Variants in SEC31B observed in about 807,000 individuals in gnomAD.
The protein encoded by SEC31B is SEC31 homolog B, COPII component, also known as protein transport protein Sec31B.
Under a neutral mutation model 135.0 loss-of-function variants are expected in SEC31B, and 113 were observed. The observed-to-expected ratio is 0.84, with a 90% confidence interval of 0.72 to 0.98. SEC31B has a LOEUF of 0.98. Ranked by LOEUF, SEC31B falls within the 50% of genes least tolerant of loss-of-function variation. The probability of loss-of-function intolerance (pLI) is 0.00; values close to 1 mark genes in which losing one functional copy is unlikely to be tolerated. For synonymous variants in SEC31B, 508 were observed against 549.4 expected (o/e 0.92, Z 1.05); for missense variants, 1,296 against 1,421.1 (o/e 0.91, Z 1.42).
chr10:100,516,580 C>T (rs535357789), intron 2 of SEC31B, among the ~76,000 whole-genome samples: 30 of 136,794 alleles, frequency 2.2e-4, no homozygotes, highest in Admixed American at 1.6e-3. Context: ...ACCCAGGAGG[C>T]GGAGCTTGCA....
chr10:100,489,280 G>C lies in SEC31B; in HGVS notation c.3143C>G (p.Pro1048Arg), dbSNP rs201352890. Residue 1048 changes from proline (P) to arginine (R), a missense_variant, in exon 23 of 26, where the codon CCA (proline) becomes CGA (arginine). By Grantham distance (103) the Pro-to-Arg change is moderately radical (BLOSUM62 -2). Transcript: ENST00000370345. ...CAGGCTGAGTTCTCCTGGAACTCCT[G>C]GGGGAGCATGACTCACACTGGAGAC... Reference protein sequence around the residue: ...PPVSSVSHAPPGVPGELSLQL... With the variant: ...PPVSSVSHAPRGVPGELSLQL... 1.1e-4 allele frequency: 173 copies of C among 1,611,294 alleles called. 1 individual carries two copies. The highest frequency in any genetic ancestry group is 2.4e-4 in the African/African-American group (18 of 74,910).
Position 100,505,488 on chromosome 10 carries a change from G to C in SEC31B, c.1052C>G (p.Ser351Cys), listed in dbSNP as rs1396965786. The C allele has an allele frequency of 6.5e-7, 1 of 1,542,516 alleles. No homozygotes were observed. Among genetic ancestry groups the C allele is most frequent in the South Asian group, 1.3e-5 (1 of 78,352 alleles). Residue 351 changes from serine to cysteine, a missense_variant, in exon 10 of 26, where the codon TCT (serine) becomes TGT (cysteine). Coordinates refer to ENST00000370345, the MANE Select transcript of SEC31B (RefSeq NM_015490.4). ...QHMRQADKIS[S>C]SFSKGQPLPP... ...GAGAGGCTGGCCTTTGCTGAAGGAA[G>C]AGGAGATCTGGGGGGAAAAGACACC...
intron 9 of SEC31B, 121 bp from the exon 10 acceptor site, chr10:100,505,616 C>T: frequency 6.9e-7 from 1 of 1,457,032 alleles, no homozygotes; most frequent in Non-Finnish European, 9.0e-7. Flanking sequence ...AAAGGTCAGA[C>T]TCCCATATTC....
In SEC31B at chr10:100,505,299, AACACACACAC is replaced by A. The variant is rs58897924; in HGVS notation, c.1179+52_1179+61del. 60 of 1,488,328 alleles carry A rather than the reference AACACACACAC, an allele frequency of 4.0e-5. No individual in the cohort carries two copies. The African/African-American group carries it at 5.5e-4, about 14-fold the overall frequency. The allele number at this position is 1,488,328 out of a possible 1,614,324, so 92.2% of individuals were successfully genotyped here. A position where few individuals can be genotyped will look rare whatever the true frequency, so the allele number is the denominator to read the frequency against. ...TGCTGGGCACATGGTAGGCTTCACA[AACACACACAC>A]ACACACACACACACACAAACACACA... On this transcript the variant is annotated intron_variant, in intron 10 of 25. Coordinates refer to ENST00000370345, the MANE Select transcript of SEC31B (RefSeq NM_015490.4).
chr10:100,512,389 CTTTT>C (rs1851752552), intron 3 of SEC31B, among the ~76,000 whole-genome samples: 1 of 152,164 alleles, frequency 6.6e-6, no homozygotes, highest in South Asian at 2.1e-4. Context: ...AGAAACCTTT[CTTTT>C]TGAGTGAAAT....
At chr10:100,509,661 T>G (rs1851703528) in intron 3 of SEC31B, 150 bp from the exon 4 acceptor site, 1 of 622,134 alleles carries the variant, frequency 1.6e-6, no homozygotes, top group Non-Finnish European at 2.7e-6. Context: ...ACAGAAGGGA[T>G]GTATCCTCCG....
In SEC31B at chr10:100,516,199, C is replaced by G. The variant is rs764643943; in HGVS notation, c.100G>C (p.Asp34His). ...LATGTSAQQL[D>H]SSFSTNGTLE... The stretch of plus-strand genomic sequence containing the variant: ...GTGCCATTTGTGCTGAAGGAGGAAT[C>G]TAGCTGTTGGGCAGATGTTCCTAGG... Residue 34 changes from aspartate (D) to histidine (H), a missense_variant, in exon 3 of 26, where the codon GAT becomes CAT. Coordinates refer to ENST00000370345, the MANE Select transcript of SEC31B (RefSeq NM_015490.4). 2.5e-5 allele frequency: 40 copies of G among 1,613,742 alleles called. No homozygotes were observed. In the African/African-American group the frequency reaches 5.2e-4, roughly 21 times the overall value.
Position 100,487,587 on chromosome 10 carries a change from T to C in SEC31B, c.*29A>G, listed in dbSNP as rs1192708481. The C allele has an allele frequency of 6.3e-7, 1 of 1,594,060 alleles. No homozygotes were observed. Among genetic ancestry groups the C allele is most frequent in the South Asian group, 1.1e-5 (1 of 89,292 alleles). ...GGGAGGAGTTATGTAACAGCAGAAG[T>C]GGCCTCCTAGCAAGAGAGGCTGCCT... On this transcript the variant is annotated 3_prime_UTR_variant, in exon 26 of 26. Coordinates refer to ENST00000370345, the MANE Select transcript of SEC31B (RefSeq NM_015490.4).
chr10:100,496,124 G>A, intron 18 of SEC31B, 134 bp downstream of exon 18: 1 of 904,744 alleles, frequency 1.1e-6, no homozygotes, highest in Non-Finnish European at 1.7e-6. Context: ...AGTAGATTGT[G>A]AGGTGCTTAA....
rs376511713 is a variant in SEC31B, at chr10:100,502,414, C to T, written c.1250G>A (p.Arg417His). The T allele has an allele frequency of 2.0e-5, 33 of 1,613,926 alleles. No homozygotes were observed. Among genetic ancestry groups the T allele is most frequent in the Admixed American group, 6.7e-5 (4 of 59,982 alleles). The change falls in exon 11 of 26, where the codon CGC becomes CAC. Residue 417 changes from arginine to histidine, a missense_variant. Transcript: ENST00000370345. ...GGTGACTTGACTGATGAAGACTAGG[C>T]GGGGGCAAGGCTGTGGCACCAGATG... is the stretch of plus-strand genomic sequence containing the variant. ...PAHLVPQPCP[R>H]LVFISQVTTE...
At position 100,498,097 on chromosome 10, in the gene SEC31B, C is replaced by A. The variant is rs750799003; in HGVS notation, c.1795G>T (p.Gly599Trp). ...GTTTGCTTCAGCAGATCTGTACCCC[C>A]AGCCTGGGCCAGGATAATGGCATCA... ...FADAIILAQA[G>W]GTDLLKQTQE... The change falls in exon 15 of 26, where the codon GGG becomes TGG. Residue 599 changes from glycine (G) to tryptophan (W), a missense_variant. Transcript: ENST00000370345. The A allele has an allele frequency of 6.8e-6, 11 of 1,614,206 alleles. No individual in the cohort carries two copies. The highest frequency in any genetic ancestry group is 7.6e-6 in the Non-Finnish European group (9 of 1,180,040).
At chr10:100,515,342 A>G (rs553322709) in intron 3 of SEC31B, among the ~76,000 whole-genome samples, 6 of 152,320 alleles carry the variant, frequency 3.9e-5, no homozygotes, top group South Asian at 2.1e-4. Flanking sequence ...TATATTGAAT[A>G]TATAACTTGA....
chr10:100,501,997 C>T (rs904377578), intron 11 of SEC31B, among the ~76,000 whole-genome samples: 1 of 152,224 alleles, frequency 6.6e-6, no homozygotes, highest in Non-Finnish European at 1.5e-5. Flanking sequence ...AGGACATCAA[C>T]CATAGTAGCA....
intron 19 of SEC31B, among the ~76,000 whole-genome samples, chr10:100,492,823 T>A (rs1564648571): frequency 6.6e-6 from 1 of 152,140 alleles, no homozygotes; most frequent in African/African-American, 2.4e-5. Context: ...AAAAATTAAA[T>A]ACTTAGTAGG....
At chr10:100,512,227 T>A (rs530412608) in intron 3 of SEC31B, among the ~76,000 whole-genome samples, 22 of 152,344 alleles carry the variant, frequency 1.4e-4, no homozygotes, top group African/African-American at 5.1e-4. Flanking sequence ...TTGAGGATGG[T>A]TCTTCCAGAG....
chr10:100,502,330 T>C lies in SEC31B; in HGVS notation c.1334A>G (p.Asn445Ser), dbSNP rs747807685. 3.1e-6 allele frequency: 5 copies of C among 1,614,214 alleles called. No homozygotes were observed. In the East Asian group the frequency reaches 1.1e-4, roughly 36 times the overall value. ...CTTGTTCTGACAGTAATTCAGTAGA[T>C]TTCCTGATCCCAAGGCCTCCTGCAG... is the stretch of plus-strand genomic sequence containing the variant. ...AELQEALGSG[N>S]LLNYCQNKSQ... The change falls in exon 11 of 26, where the codon AAT becomes AGT. Residue 445 changes from asparagine to serine, a missense_variant. Coordinates refer to ENST00000370345, the MANE Select transcript of SEC31B (RefSeq NM_015490.4).
intron 10 of SEC31B, among the ~76,000 whole-genome samples, chr10:100,504,745 G>A (rs1027909614): frequency 6.6e-6 from 1 of 152,056 alleles, no homozygotes; most frequent in African/African-American, 2.4e-5. Flanking sequence ...CATCAAGGAG[G>A]AGATAGTATT....
At chr10:100,509,151 G>A (rs201894198) in intron 4 of SEC31B, 49 bp from the exon 5 acceptor site, 2 of 1,586,026 alleles carry the variant, frequency 1.3e-6, no homozygotes, top group Middle Eastern at 1.7e-4. Context: ...GGAAGAAACA[G>A]AGCAAGAAAG....
intron 10 of SEC31B, among the ~76,000 whole-genome samples, chr10:100,503,795 TA>T (rs1429968021): frequency 6.6e-6 from 1 of 151,896 alleles, no homozygotes; most frequent in Non-Finnish European, 1.5e-5. Flanking sequence ...TCCAATGCAG[TA>T]AATGTCCATG....
Sources: allele counts gnomAD v4.1 joint callset (sites outside exome capture counted in the v4.1 genomes callset), GRCh38; gene constraint gnomAD v4.1.1; transcripts MANE v1.5; gene names NCBI Gene and HGNC (gene_info 2026-07-23, HGNC 2026-07-21).